Variants in SEC63 observed in about 807,000 individuals in gnomAD.
The protein encoded by SEC63 is SEC63 protein translocation regulator, also known as translocation protein SEC63 homolog.
In SEC63, 56 loss-of-function variants were observed where a neutral mutation model predicts 116.2. The observed-to-expected ratio is 0.48, with a 90% CI of 0.39 to 0.60. The LOEUF (loss-of-function observed/expected upper bound fraction) is 0.60. Among genes scored for constraint, SEC63 ranks in the 20% least tolerant of loss-of-function variants. The pLI, the probability that SEC63 is intolerant of heterozygous loss-of-function variation, is 0.00. For synonymous variants in SEC63, 273 were observed against 294.6 expected (o/e 0.93, Z 0.75); for missense variants, 668 against 900.0 (o/e 0.74, Z 3.30).
At chr6:107,936,061 G>T (rs1384397054) in intron 1 of SEC63, among the ~76,000 whole-genome samples, 1 of 152,206 alleles carries the variant, frequency 6.6e-6, no homozygotes, top group African/African-American at 2.4e-5. Flanking sequence ...GGAAACATTT[G>T]ATGAGGTTTT....
intron 1 of SEC63, among the ~76,000 whole-genome samples, chr6:107,935,746 G>T (rs1426425993): frequency 6.6e-6 from 1 of 150,874 alleles, no homozygotes; most frequent in African/African-American, 2.4e-5. Flanking sequence ...CTATGACCCT[G>T]CCAACTCCCC....
chr6:107,954,324 C>T lies in SEC63; in HGVS notation c.124+3562G>A, dbSNP rs940112990. On this transcript the variant is annotated intron_variant, in intron 1 of 20. Coordinates refer to ENST00000369002, the MANE Select transcript of SEC63 (RefSeq NM_007214.5). Reference sequence around the variant, plus strand: ...AATCTCAAGTACCCAGGGACACAAACACTGCGGAAGGCCGCAGGGTCCTCT... The same window carrying T: ...AATCTCAAGTACCCAGGGACACAAATACTGCGGAAGGCCGCAGGGTCCTCT... Among the ~76,000 whole-genome samples the T allele has an allele frequency of 2.6e-5, 4 of 151,864 alleles. No homozygotes were observed. In the East Asian group the frequency reaches 5.8e-4, roughly 22 times the overall value.
intron 1 of SEC63, among the ~76,000 whole-genome samples, chr6:107,937,123 A>ATTTTTTTTTT (rs3062082): frequency 6.2e-5 from 8 of 129,914 alleles, no homozygotes; most frequent in Non-Finnish European, 9.4e-5. Flanking sequence ...TATGTACCAC[A>ATTTTTTTTTT]TTTTTTTTTT....
chr6:107,914,488 T>C (rs1787355965), intron 4 of SEC63, among the ~76,000 whole-genome samples: 1 of 152,182 alleles, frequency 6.6e-6, no homozygotes, highest in Non-Finnish European at 1.5e-5. Context: ...CTTGAAAATA[T>C]TTTTAAATTT....
At chr6:107,937,085 T>C (rs1234068802) in intron 1 of SEC63, among the ~76,000 whole-genome samples, 3 of 151,510 alleles carry the variant, frequency 2.0e-5, no homozygotes, top group Non-Finnish European at 4.4e-5. Flanking sequence ...TCATTCTTTT[T>C]AATGGCTGTG....
chr6:107,883,117 T>A lies in SEC63; in HGVS notation c.1704A>T (p.Glu568Asp), dbSNP rs202062136. 50 of 1,604,298 alleles carry A rather than the reference T, an allele frequency of 3.1e-5. No homozygotes were observed. Among genetic ancestry groups the A allele is most frequent in the Admixed American group, 8.3e-5 (5 of 59,890 alleles). Residue 568 changes from glutamate to aspartate, a missense_variant, in exon 17 of 21, where the codon GAA (glutamate) becomes GAT (aspartate). Transcript: ENST00000369002. The stretch of plus-strand genomic sequence containing the variant: ...CAGAATCACTGCCCTTATCTGAAAC[T>A]TCTTCTTCATCTTCCTTTACTGCAG... The part of the protein sequence containing the change: ...NEAAVKEDEE[E>D]VSDKGSDSEE...
At chr6:107,937,330 T>A (rs952485903) in intron 1 of SEC63, among the ~76,000 whole-genome samples, 1 of 152,060 alleles carries the variant, frequency 6.6e-6, no homozygotes, top group East Asian at 1.9e-4. Context: ...TTCTCCATGT[T>A]GGTCAGGCTG....
At chr6:107,943,696 G>C (rs1020218938) in intron 1 of SEC63, among the ~76,000 whole-genome samples, 1 of 152,322 alleles carries the variant, frequency 6.6e-6, no homozygotes, top group East Asian at 1.9e-4. Flanking sequence ...TGACTATCTA[G>C]AGGAAAAGTA....
chr6:107,952,485 C>T (rs1770600433), intron 1 of SEC63, among the ~76,000 whole-genome samples: 1 of 152,136 alleles, frequency 6.6e-6, no homozygotes, highest in Admixed American at 6.5e-5. Context: ...GGGCCGGGCA[C>T]AGTGGCTCAC....
intron 13 of SEC63, among the ~76,000 whole-genome samples, chr6:107,899,257 T>C (rs1786939855): frequency 6.6e-6 from 1 of 152,204 alleles, no homozygotes; most frequent in Admixed American, 6.5e-5. Context: ...TCACCAACTA[T>C]AGCACTATTA....
At position 107,937,446 on chromosome 6, in the gene SEC63, TCCGC is replaced by T. The variant is rs1317337729; in HGVS notation, c.125-7936_125-7933del. On this transcript the variant is annotated intron_variant, in intron 1 of 20. Transcript: ENST00000369002. ...CGGCCACTACATTTTCTTTATCCAGTCCGCTATTGATAGACACCTGGGTTGGTAC... is the reference window on the plus strand; with the variant it reads ...CGGCCACTACATTTTCTTTATCCAGTTATTGATAGACACCTGGGTTGGTAC... Among the ~76,000 whole-genome samples the T allele has an allele frequency of 1.8e-3, 267 of 152,316 alleles. 1 individual carries two copies. The highest frequency in any genetic ancestry group is 6.2e-3 in the African/African-American group (259 of 41,572).
At chr6:107,909,094 G>T in intron 7 of SEC63, 59 bp from the exon 8 acceptor site, 2 of 1,173,936 alleles carry the variant, frequency 1.7e-6, no homozygotes, top group Non-Finnish European at 2.5e-6. Context: ...TAGGCTGGGC[G>T]AGATGGCTCA....
chr6:107,877,339 A>C (rs1786303981), intron 18 of SEC63: 1 of 152,228 alleles, frequency 6.6e-6, no homozygotes, highest in African/African-American at 2.4e-5. Flanking sequence ...CTAAATATTT[A>C]TTTAACCAAA....
intron 1 of SEC63, among the ~76,000 whole-genome samples, chr6:107,932,696 A>C (rs1163443987): frequency 6.6e-6 from 1 of 152,230 alleles, no homozygotes; most frequent in Non-Finnish European, 1.5e-5. Flanking sequence ...TTAATAAAGA[A>C]ATACAAATGC....
chr6:107,917,927 A>C (rs1012305572), intron 4 of SEC63, among the ~76,000 whole-genome samples: 1 of 152,060 alleles, frequency 6.6e-6, no homozygotes, highest in Non-Finnish European at 1.5e-5. Flanking sequence ...AAGGTGGCTA[A>C]ACAACAAATT....
intron 19 of SEC63, among the ~76,000 whole-genome samples, chr6:107,874,751 T>C (rs991449552): frequency 3.9e-5 from 6 of 152,090 alleles, no homozygotes; most frequent in African/African-American, 1.4e-4. Context: ...TCATGGCTCA[T>C]TGCAGCTTCA....
intron 4 of SEC63, among the ~76,000 whole-genome samples, chr6:107,918,560 T>C (rs1028609634): frequency 6.6e-6 from 1 of 151,708 alleles, no homozygotes; most frequent in Non-Finnish European, 1.5e-5. Context: ...GGCATGGTGG[T>C]GCATGCCTGT....
At chr6:107,902,259 C>A (rs1302526049) in intron 12 of SEC63, among the ~76,000 whole-genome samples, 1 of 152,032 alleles carries the variant, frequency 6.6e-6, no homozygotes. Context: ...TTTATTAATT[C>A]TACATTAATA....
At chr6:107,931,265 C>G (rs559525041) in intron 1 of SEC63, among the ~76,000 whole-genome samples, 185 of 151,398 alleles carry the variant, frequency 1.2e-3, no homozygotes, top group African/African-American at 4.4e-3. Flanking sequence ...TCAGTTGAAC[C>G]TGGGAGGCGA....
Sources: gnomAD v4.1 joint callset for allele counts (sites outside exome capture counted in the v4.1 genomes callset) on GRCh38, gnomAD v4.1.1 for gene constraint, MANE v1.5 for transcripts, NCBI Gene and HGNC (gene_info 2026-07-23, HGNC 2026-07-21) for gene names.